The following SOCS5 variants were observed in gnomAD, a reference collection of about 807,000 sequenced individuals.
SOCS5 encodes the protein suppressor of cytokine signaling 5.
In SOCS5, 32 loss-of-function variants were observed where a neutral mutation model predicts 42.8. The observed-to-expected ratio is 0.75, with a 90% CI of 0.56 to 1.01. The LOEUF is 1.01. Ranked by LOEUF, SOCS5 falls within the 50% of genes least tolerant of loss-of-function variation. The pLI, the probability that SOCS5 is intolerant of heterozygous loss-of-function variation, is 0.00. For synonymous variants in SOCS5, 283 were observed against 229.6 expected (o/e 1.23, Z -2.10); for missense variants, 627 against 653.0 (o/e 0.96, Z 0.43).
rs749559125 is a variant in SOCS5 at position 46,758,742 on chromosome 2, C to T, written c.212C>T (p.Pro71Leu). 1.2e-6 allele frequency: 2 copies of T among 1,614,142 alleles called. No homozygotes were observed. The highest frequency in any genetic ancestry group is 1.7e-6 in the Non-Finnish European group (2 of 1,180,008). ...ATTGCCTTACAACTGGGATTAAGCCCTTCGAAGAATTCTTCAAGGAGAAAT... is the reference window on the plus strand; with the variant it reads ...ATTGCCTTACAACTGGGATTAAGCCTTTCGAAGAATTCTTCAAGGAGAAAT... ...ENIALQLGLS[P>L]SKNSSRRNQN... Residue 71 changes from proline to leucine, a missense_variant, in exon 2 of 2, where the codon CCT becomes CTT. This residue lies in a region of SOCS5 where 278 missense variants were observed against 246.3 expected (regional missense o/e 1.13). Coordinates refer to ENST00000394861, the MANE Select transcript of SOCS5 (RefSeq NM_144949.3).
At chr2:46,704,532 A>C (rs985281166) in intron 1 of SOCS5, among the ~76,000 whole-genome samples, 25 of 152,286 alleles carry the variant, frequency 1.6e-4, no homozygotes, top group East Asian at 1.9e-4. Context: ...ATTTAGCCCT[A>C]GTGTAAATCC....
At chr2:46,757,625 GGGAGGCCGA>G (rs2103763860) in intron 1 of SOCS5, among the ~76,000 whole-genome samples, 1 of 152,208 alleles carries the variant, frequency 6.6e-6, no homozygotes, top group South Asian at 2.1e-4. Context: ...CCAGCACTTT[GGGAGGCCGA>G]GGCCAGTGGA....
intron 1 of SOCS5, among the ~76,000 whole-genome samples, chr2:46,715,168 A>G (rs774116109): frequency 1.3e-5 from 2 of 152,098 alleles, no homozygotes; most frequent in Non-Finnish European, 2.9e-5. Flanking sequence ...CAGGAGTTCA[A>G]GACCAGCCTG....
chr2:46,751,656 A>G (rs2103756283), intron 1 of SOCS5, among the ~76,000 whole-genome samples: 1 of 152,246 alleles, frequency 6.6e-6, no homozygotes, highest in Non-Finnish European at 1.5e-5. Context: ...CTATTTTATA[A>G]CTTCATGCTC....
chr2:46,721,353 T>C (rs1672880662), intron 1 of SOCS5, among the ~76,000 whole-genome samples: 1 of 152,206 alleles, frequency 6.6e-6, no homozygotes, highest in African/African-American at 2.4e-5. Context: ...ATCTCTCTTT[T>C]GTATGACCCT....
chr2:46,704,846 A>G (rs1380795921), intron 1 of SOCS5, among the ~76,000 whole-genome samples: 2 of 152,146 alleles, frequency 1.3e-5, no homozygotes, highest in African/African-American at 4.8e-5. Context: ...GAAAGTCCCT[A>G]GGTAAGCACT....
chr2:46,709,491 G>C (rs925963107), intron 1 of SOCS5, among the ~76,000 whole-genome samples: 1 of 152,184 alleles, frequency 6.6e-6, no homozygotes, highest in African/African-American at 2.4e-5. Flanking sequence ...TGAGTTTTGG[G>C]TTTGGTTTTA....
At chr2:46,733,963 GTAAC>G (rs1358374726) in intron 1 of SOCS5, among the ~76,000 whole-genome samples, 1 of 152,228 alleles carries the variant, frequency 6.6e-6, no homozygotes, top group Non-Finnish European at 1.5e-5. Flanking sequence ...TCAGTATGCA[GTAAC>G]TATTTATTAA....
chr2:46,714,868 C>T (rs745456634), intron 1 of SOCS5, among the ~76,000 whole-genome samples: 1 of 151,926 alleles, frequency 6.6e-6, no homozygotes, highest in Non-Finnish European at 1.5e-5. Context: ...TTTTATCTTT[C>T]CTGTTGGTTT....
At chr2:46,738,740 T>C (rs1184244253) in intron 1 of SOCS5, among the ~76,000 whole-genome samples, 1 of 152,178 alleles carries the variant, frequency 6.6e-6, no homozygotes, top group Non-Finnish European at 1.5e-5. Flanking sequence ...TGTTAAAAAA[T>C]CTTTAAGTCA....
upstream of SOCS5, chr2:46,699,241 A>G (rs1672285524): frequency 6.6e-6 from 1 of 150,906 alleles, no homozygotes. The surrounding 1 kb of genome is among the most constrained non-coding windows in gnomAD (Gnocchi z 4.8). Flanking sequence ...GGCGGCAGGG[A>G]AGGGGGTGGG....
At chr2:46,707,996 C>G (rs1315055361) in intron 1 of SOCS5, among the ~76,000 whole-genome samples, 1 of 152,100 alleles carries the variant, frequency 6.6e-6, no homozygotes, top group Non-Finnish European at 1.5e-5. Flanking sequence ...TTAATGAATA[C>G]TGTACTGAAA....
rs115744015 is a variant in SOCS5 at position 46,732,177 on chromosome 2, G to C, written c.-12-26342G>C. ...ATTCATGTGTTCATGTTGTGCCCTA[G>C]TGTAACCAGCACATTGAAACAAATT... is the stretch of plus-strand genomic sequence containing the variant. On this transcript the variant is annotated intron_variant, in intron 1 of 1. Coordinates refer to ENST00000394861, the MANE Select transcript of SOCS5 (RefSeq NM_144949.3). 1.2e-3 allele frequency among the ~76,000 whole-genome samples: 181 copies of C among 152,328 alleles called. 1 individual carries two copies. The highest frequency in any genetic ancestry group is 2.1e-3 in the Non-Finnish European group (142 of 68,030).
At chr2:46,703,026 T>G (rs569324818) in intron 1 of SOCS5, among the ~76,000 whole-genome samples, 2 of 152,368 alleles carry the variant, frequency 1.3e-5, no homozygotes, top group South Asian at 4.1e-4. Flanking sequence ...ACTTCTTATC[T>G]GTCATGCAAG....
chr2:46,700,887 C>T (rs972227640), intron 1 of SOCS5, among the ~76,000 whole-genome samples: 1 of 151,980 alleles, frequency 6.6e-6, no homozygotes, highest in Non-Finnish European at 1.5e-5. Context: ...ACATTTGTAG[C>T]GTACTTTACG....
At chr2:46,724,926 T>C (rs1045632893) in intron 1 of SOCS5, among the ~76,000 whole-genome samples, 1 of 152,022 alleles carries the variant, frequency 6.6e-6, no homozygotes, top group African/African-American at 2.4e-5. Context: ...TTTTGTCTAT[T>C]AGATTTTTGT....
At chr2:46,734,252 A>G (rs1212579756) in intron 1 of SOCS5, among the ~76,000 whole-genome samples, 2 of 152,200 alleles carry the variant, frequency 1.3e-5, no homozygotes, top group African/African-American at 4.8e-5. Flanking sequence ...CAGAAAATGA[A>G]TGCCACTTGT....
chr2:46,709,450 T>A, intron 1 of SOCS5, among the ~76,000 whole-genome samples: 1 of 152,184 alleles, frequency 6.6e-6, no homozygotes, highest in Admixed American at 6.5e-5. Context: ...AGAATCTGAC[T>A]TAGGTGGTGT....
At position 46,762,987 on chromosome 2, in the gene SOCS5, T is replaced by G. The variant is rs1378443864; in HGVS notation, c.*2846T>G. 6.0e-6 allele frequency: 1 copy of G among 167,088 alleles called. No individual in the cohort carries two copies. Among genetic ancestry groups the G allele is most frequent in the African/African-American group, 2.4e-5 (1 of 41,454 alleles). 10.4% of individuals were successfully genotyped at this position (167,088 alleles called of 1,614,324 possible). On this transcript the variant is annotated 3_prime_UTR_variant, in exon 2 of 2. Coordinates refer to ENST00000394861, the MANE Select transcript of SOCS5 (RefSeq NM_144949.3). ...TATTACTTTAGATGGCATTTCCACC[T>G]GATACAAAAACATTTAGAGATCTTA...
Sources: gnomAD v4.1 joint callset for allele counts (sites outside exome capture counted in the v4.1 genomes callset) on GRCh38, gnomAD v4.1.1 for gene constraint, gnomAD v4.1.1 regional missense constraint, Gnocchi (gnomAD v3.1) non-coding constraint, MANE v1.5 for transcripts, NCBI Gene and HGNC (gene_info 2026-07-23, HGNC 2026-07-21) for gene names.